HIVEP3: variants seen among roughly 807,000 people sequenced by gnomAD.
The protein encoded by HIVEP3 is transcription factor HIVEP3.
Under a neutral mutation model 152.8 loss-of-function variants are expected in HIVEP3, and 49 were observed. The ratio of observed to expected loss-of-function variants is 0.32; its 90% CI spans 0.26 to 0.41. The LOEUF is 0.41. Ranked by LOEUF, HIVEP3 falls within the 10% of genes least tolerant of loss-of-function variation. The pLI is 1.00. For missense variants in HIVEP3, 2,790 were observed against 3,103.3 expected, an observed-to-expected ratio of 0.90 and a Z score of 2.40; for synonymous variants, 1,269 against 1,289.0, an observed-to-expected ratio of 0.98 and a Z score of 0.33.
intron 1 of HIVEP3, among the ~76,000 whole-genome samples, chr1:41,994,879 C>A (rs770382389): frequency 3.3e-5 from 5 of 151,356 alleles, no homozygotes; most frequent in African/African-American, 1.2e-4. Context: ...AAAAATAACC[C>A]GAGAGGCTCC....
intron 1 of HIVEP3, among the ~76,000 whole-genome samples, chr1:41,961,231 T>C (rs996432520): frequency 2.0e-5 from 3 of 152,222 alleles, no homozygotes; most frequent in African/African-American, 4.8e-5. Flanking sequence ...CTCCCTGCAA[T>C]GCCAGCTCCA....
Position 41,804,257 on chromosome 1 carries a change from C to A in HIVEP3, c.-800-103262G>T, listed in dbSNP as rs190630571. On this transcript the variant is annotated intron_variant, in intron 1 of 8. Transcript: ENST00000372583. ...AGTGGTCCCACAGCCCCTGCCTGTA[C>A]CTGCCTGGATTCACACTCACCCACA... is the stretch of plus-strand genomic sequence containing the variant. Among the ~76,000 whole-genome samples, 277 of 152,326 alleles carry A rather than the reference C, an allele frequency of 1.8e-3. 1 individual carries two copies. Among genetic ancestry groups the A allele is most frequent in the Middle Eastern group, 6.8e-3 (2 of 294 alleles).
intron 1 of HIVEP3, among the ~76,000 whole-genome samples, chr1:41,732,877 C>T (rs920763198): frequency 1.3e-5 from 2 of 152,146 alleles, no homozygotes; most frequent in East Asian, 3.8e-4. Context: ...CAGAGGACAC[C>T]AGGTTTCAGT....
chr1:41,514,423 C>T (rs767563234), intron 7 of HIVEP3, among the ~76,000 whole-genome samples: 1 of 152,250 alleles, frequency 6.6e-6, no homozygotes, highest in Non-Finnish European at 1.5e-5. Context: ...ACAGAGCCAT[C>T]CGTGGTCAGT....
In HIVEP3 at chr1:41,513,088, G is replaced by A. The variant is rs772577438; in HGVS notation, c.6133C>T (p.Leu2045=). The part of the protein sequence containing the change: ...PLTLCPLGRE[L]APRAHVLSKL... The stretch of plus-strand genomic sequence containing the variant: ...GAGAGCACATGTGCTCGAGGGGCCA[G>A]TTCTCTTCCCAGGGGGCAGAGGGTG... The change falls in exon 8 of 9, where the codon CTG becomes TTG. Residue 2045 remains leucine, a synonymous_variant. Coordinates refer to ENST00000372583, the MANE Select transcript of HIVEP3 (RefSeq NM_024503.5). 9.3e-6 allele frequency: 15 copies of A among 1,613,956 alleles called. No homozygotes were observed. Among genetic ancestry groups the A allele is most frequent in the South Asian group, 3.3e-5 (3 of 91,092 alleles).
chr1:41,709,244 T>C (rs886136233), intron 1 of HIVEP3, among the ~76,000 whole-genome samples: 4 of 152,340 alleles, frequency 2.6e-5, no homozygotes, highest in African/African-American at 9.6e-5. Flanking sequence ...ACCTCCACTC[T>C]TTGGAGTGAA....
intron 1 of HIVEP3, among the ~76,000 whole-genome samples, chr1:41,911,763 G>A (rs1013342729): frequency 2.0e-5 from 3 of 152,150 alleles, no homozygotes; most frequent in East Asian, 1.9e-4. Context: ...AATCCAGGAC[G>A]AAACATTTAA....
chr1:41,547,922 C>A (rs1488316779), intron 5 of HIVEP3, among the ~76,000 whole-genome samples: 2 of 151,118 alleles, frequency 1.3e-5, no homozygotes, highest in African/African-American at 4.8e-5. Flanking sequence ...CTCTGGCCAT[C>A]CCCCACTCCA....
At chr1:41,550,520 AT>A in intron 5 of HIVEP3, among the ~76,000 whole-genome samples, 1 of 152,256 alleles carries the variant, frequency 6.6e-6, no homozygotes, top group South Asian at 2.1e-4. Flanking sequence ...ATGGTCTTCC[AT>A]TTGTTTGTGT....
chr1:41,640,260 A>T lies in HIVEP3; in HGVS notation c.-720-11313T>A, dbSNP rs536226220. 7.6e-5 allele frequency among the ~76,000 whole-genome samples: 6 copies of T among 78,508 alleles called. No individual in the cohort carries two copies. In the South Asian group the frequency reaches 3.0e-3, roughly 39 times the overall value. The allele number at this position is 78,508 out of a possible 152,430, so 51.5% of individuals were successfully genotyped here. ...TGCACTTGGAGATGAAGGTTCTGAG[A>T]GCTGCTGGGGCGGGGGTTGGGGGGC... is the stretch of plus-strand genomic sequence containing the variant. On this transcript the variant is annotated intron_variant, in intron 2 of 8. Coordinates refer to ENST00000372583, the MANE Select transcript of HIVEP3 (RefSeq NM_024503.5).
intron 1 of HIVEP3, among the ~76,000 whole-genome samples, chr1:41,715,267 GAC>G (rs1418374607): frequency 6.6e-6 from 1 of 152,238 alleles, no homozygotes; most frequent in African/African-American, 2.4e-5. Flanking sequence ...AAGAGCAGGA[GAC>G]AGATTTATTG....
intron 1 of HIVEP3, among the ~76,000 whole-genome samples, chr1:41,951,476 T>A (rs1461909224): frequency 6.6e-6 from 1 of 152,208 alleles, no homozygotes. Flanking sequence ...GATCTCTTCT[T>A]GTCTGGGTGG....
chr1:41,711,486 C>T (rs532862625), intron 1 of HIVEP3, among the ~76,000 whole-genome samples: 1 of 152,220 alleles, frequency 6.6e-6, no homozygotes, highest in Admixed American at 6.5e-5. Flanking sequence ...TGTTCAGATC[C>T]CAGCTCTGTC....
intron 2 of HIVEP3, among the ~76,000 whole-genome samples, chr1:41,665,686 C>T (rs1383085479): frequency 1.3e-5 from 1 of 75,454 alleles, no homozygotes; most frequent in African/African-American, 5.3e-5. Context: ...ATGCTGAATG[C>T]TTGTTTCCAC....
rs755041428 is a variant in HIVEP3 at position 41,582,690 on chromosome 1, A to C, written c.2108T>G (p.Leu703Arg). Residue 703 changes from leucine to arginine, a missense_variant, in exon 4 of 9, where the codon CTG becomes CGG. By Grantham distance (102) the Leu-to-Arg change is moderately radical (BLOSUM62 -2). Transcript: ENST00000372583. This position sits in a 1 kb window ranked among gnomAD's most constrained non-coding sequence, Gnocchi z 4.7. ...EPWSQMMHYK[L>R]GTTLELTPLR... The stretch of plus-strand genomic sequence containing the variant: ...TGGAGTGAGTTCCAGGGTGGTTCCC[A>C]GTTTGTAATGCATCATTTGGGACCA... The C allele has an allele frequency of 1.8e-5, 29 of 1,613,950 alleles. No individual in the cohort carries two copies. In the South Asian group the frequency reaches 2.9e-4, roughly 16 times the overall value.
chr1:41,510,816 C>G lies in HIVEP3; in HGVS notation c.6856G>C (p.Gly2286Arg), dbSNP rs769261365. 6.2e-7 allele frequency: 1 copy of G among 1,612,440 alleles called. No individual in the cohort carries two copies. The highest frequency in any genetic ancestry group is 8.5e-7 in the Non-Finnish European group (1 of 1,179,664). Residue 2286 changes from glycine to arginine, a missense_variant, in exon 9 of 9, where the codon GGC becomes CGC. Transcript: ENST00000372583. ...KERERTGGGP[G>R]RPPDWTPHGT... The stretch of plus-strand genomic sequence containing the variant: ...TGGGGTGTCCAGTCAGGAGGCCTGC[C>G]CGGGCCTCCGCCGGTCCTCTCCCTC...
chr1:41,899,911 TC>T (rs796486909), intron 1 of HIVEP3, among the ~76,000 whole-genome samples: 7 of 152,298 alleles, frequency 4.6e-5, no homozygotes, highest in African/African-American at 1.7e-4. Flanking sequence ...TACATTATTG[TC>T]CCTGAACCAA....
At chr1:41,966,528 C>T (rs1240731386) in intron 1 of HIVEP3, among the ~76,000 whole-genome samples, 1 of 146,096 alleles carries the variant, frequency 6.8e-6, no homozygotes, top group Admixed American at 6.9e-5. Context: ...GGCCAGACTG[C>T]GGTGGCGCCA....
At chr1:41,637,014 G>A (rs142901268) in intron 2 of HIVEP3, among the ~76,000 whole-genome samples, 214 of 151,558 alleles carry the variant, frequency 1.4e-3, no homozygotes, top group African/African-American at 4.7e-3. Flanking sequence ...TTAGCAAAGA[G>A]GAAAGTGATT....
Sources: gnomAD v4.1 joint callset for allele counts (sites outside exome capture counted in the v4.1 genomes callset) on GRCh38, gnomAD v4.1.1 for gene constraint, Gnocchi (gnomAD v3.1) non-coding constraint, MANE v1.5 for transcripts, NCBI Gene and HGNC (gene_info 2026-07-23, HGNC 2026-07-21) for gene names.